CSMD1: variants seen among roughly 807,000 people sequenced by gnomAD.
The protein encoded by CSMD1 is CUB and sushi domain-containing protein 1.
Under a neutral mutation model 417.5 loss-of-function variants are expected in CSMD1, and 213 were observed. That is an observed-to-expected ratio of 0.51 (90% CI 0.46 to 0.57). CSMD1 has a LOEUF of 0.57. Among genes scored for constraint, CSMD1 ranks in the 20% least tolerant of loss-of-function variants. CSMD1 has a pLI of 0.00. For missense variants in CSMD1, 6,923 were observed against 4,529.7 expected, an observed-to-expected ratio of 1.53 and a Z score of -15.17; for synonymous variants, 2,862 against 1,736.8, an observed-to-expected ratio of 1.65 and a Z score of -16.11.
chr8:3,146,044 T>A (rs949379785), intron 40 of CSMD1, among the ~76,000 whole-genome samples: 3 of 152,214 alleles, frequency 2.0e-5, no homozygotes, highest in African/African-American at 7.2e-5. Context: ...TGTAATAAAA[T>A]ATAGCAAAAG....
intron 5 of CSMD1, among the ~76,000 whole-genome samples, chr8:3,892,715 G>GTTT (rs35178951): frequency 5.4e-4 from 58 of 107,082 alleles, no homozygotes; most frequent in African/African-American, 9.7e-4. Flanking sequence ...ATTTAGGCAG[G>GTTT]TTTTTTTTTT....
At chr8:4,555,678 G>A (rs997057385) in intron 2 of CSMD1, among the ~76,000 whole-genome samples, 1 of 152,150 alleles carries the variant, frequency 6.6e-6, no homozygotes, top group Admixed American at 6.5e-5. Context: ...GCAATGGAGA[G>A]GAATAAGTCT....
intron 3 of CSMD1, among the ~76,000 whole-genome samples, chr8:4,090,911 CT>C (rs34318541): frequency 0.11 from 16,076 of 144,328 alleles, 893 homozygotes; most frequent in South Asian, 0.13. Flanking sequence ...AAGGGGCAGT[CT>C]TTTTTTTTTT....
chr8:3,450,461 C>A (rs12546675), intron 12 of CSMD1, among the ~76,000 whole-genome samples: 9 of 150,504 alleles, frequency 6.0e-5, no homozygotes, highest in Non-Finnish European at 1.2e-4. Flanking sequence ...TCCCTCCCCC[C>A]TCCCCACACC....
intron 3 of CSMD1, among the ~76,000 whole-genome samples, chr8:4,262,604 A>G (rs1006737635): frequency 2.0e-5 from 3 of 152,044 alleles, no homozygotes; most frequent in African/African-American, 4.8e-5. Context: ...TATCTTCAGG[A>G]CCCTGGAGCT....
At chr8:3,460,346 T>C (rs1226722168) in intron 12 of CSMD1, among the ~76,000 whole-genome samples, 1 of 151,938 alleles carries the variant, frequency 6.6e-6, no homozygotes, top group Non-Finnish European at 1.5e-5. Flanking sequence ...AAACATCAAG[T>C]GTATGTGAGT....
intron 11 of CSMD1, among the ~76,000 whole-genome samples, chr8:3,487,438 TG>T (rs1457610629): frequency 6.6e-6 from 1 of 152,102 alleles, no homozygotes; most frequent in African/African-American, 2.4e-5. Context: ...CCTGACCTCG[TG>T]ATCTGCCCGC....
At chr8:4,573,245 T>A (rs142126556) in intron 2 of CSMD1, among the ~76,000 whole-genome samples, 57 of 152,330 alleles carry the variant, frequency 3.7e-4, no homozygotes, top group African/African-American at 1.3e-3. Context: ...TTTTTCCTCA[T>A]CTTTGTGGAT....
chr8:2,976,568 A>G (rs939559766), intron 55 of CSMD1, among the ~76,000 whole-genome samples: 1 of 152,128 alleles, frequency 6.6e-6, no homozygotes, highest in African/African-American at 2.4e-5. Flanking sequence ...AAGTTGATCT[A>G]GAACTCCTGG....
At chr8:4,940,512 G>C (rs1266497522) in intron 1 of CSMD1, among the ~76,000 whole-genome samples, 1 of 152,206 alleles carries the variant, frequency 6.6e-6, no homozygotes, top group Non-Finnish European at 1.5e-5. Context: ...CTAGGCACTT[G>C]AATTAGCTTT....
At chr8:3,123,859 G>C (rs1027025131) in intron 41 of CSMD1, among the ~76,000 whole-genome samples, 2 of 152,206 alleles carry the variant, frequency 1.3e-5, no homozygotes, top group African/African-American at 4.8e-5. Flanking sequence ...AGTGTTAATA[G>C]TATGTAAGGC....
At chr8:3,577,918 G>C (rs1354334927) in intron 9 of CSMD1, among the ~76,000 whole-genome samples, 3 of 152,166 alleles carry the variant, frequency 2.0e-5, no homozygotes. Context: ...TGCATGTGTA[G>C]AGACCTTATT....
intron 51 of CSMD1, among the ~76,000 whole-genome samples, chr8:3,026,789 C>T (rs778214778): frequency 1.3e-5 from 2 of 152,198 alleles, no homozygotes; most frequent in Non-Finnish European, 2.9e-5. Context: ...CAATAACTAA[C>T]ACAGGTCCTC....
intron 4 of CSMD1, among the ~76,000 whole-genome samples, chr8:4,027,606 G>A (rs937821639): frequency 1.3e-5 from 2 of 152,184 alleles, no homozygotes; most frequent in Admixed American, 6.5e-5. Context: ...ATGCAGAACT[G>A]TGAGTGAATT....
chr8:4,851,384 C>T (rs138613746), intron 1 of CSMD1, among the ~76,000 whole-genome samples: 1 of 152,122 alleles, frequency 6.6e-6, no homozygotes, highest in African/African-American at 2.4e-5. Context: ...CCACCAATTC[C>T]TGCTTTTCCT....
chr8:3,948,820 G>A (rs944070366), intron 5 of CSMD1, among the ~76,000 whole-genome samples: 2 of 131,124 alleles, frequency 1.5e-5, no homozygotes, highest in Admixed American at 7.7e-5. Context: ...TCATTTTGAA[G>A]AGACATTTTT....
At chr8:3,135,880 T>C (rs1421327937) in intron 41 of CSMD1, among the ~76,000 whole-genome samples, 1 of 151,982 alleles carries the variant, frequency 6.6e-6, no homozygotes, top group African/African-American at 2.4e-5. Context: ...TATGGTTAGA[T>C]TGGGGACATA....
At chr8:4,287,945 C>T (rs1797152270) in intron 3 of CSMD1, among the ~76,000 whole-genome samples, 1 of 152,020 alleles carries the variant, frequency 6.6e-6, no homozygotes, top group African/African-American at 2.4e-5. Flanking sequence ...CAAAACTTTT[C>T]TCCAGATAGC....
intron 3 of CSMD1, among the ~76,000 whole-genome samples, chr8:4,101,844 A>T (rs1020268803): frequency 6.6e-6 from 1 of 152,086 alleles, no homozygotes; most frequent in Non-Finnish European, 1.5e-5. Flanking sequence ...CTCTGAATTG[A>T]ATCTGAAAAT....
Sources: gnomAD v4.1 joint callset for allele counts (sites outside exome capture counted in the v4.1 genomes callset) on GRCh38, gnomAD v4.1.1 for gene constraint, MANE v1.5 for transcripts, NCBI Gene and HGNC (gene_info 2026-07-23, HGNC 2026-07-21) for gene names.